RFTN1: variants seen among roughly 807,000 people sequenced by gnomAD.
The protein encoded by RFTN1 is raftlin.
RFTN1 carries 26 observed loss-of-function variants against 46.5 expected under a neutral mutation model. The ratio of observed to expected loss-of-function variants is 0.56; its 90% CI spans 0.41 to 0.78. RFTN1 has a LOEUF of 0.78. RFTN1 is among the 30% of genes least tolerant of loss of function. The probability of loss-of-function intolerance (pLI) is 0.00; values close to 1 mark genes in which losing one functional copy is unlikely to be tolerated. For synonymous variants in RFTN1, 261 were observed against 284.2 expected, an observed-to-expected ratio of 0.92 and a Z score of 0.82; for missense variants, 693 against 718.7, an observed-to-expected ratio of 0.96 and a Z score of 0.41.
intron 1 of RFTN1, among the ~76,000 whole-genome samples, chr3:16,510,549 T>C (rs989553684): frequency 2.0e-5 from 3 of 152,196 alleles, no homozygotes; most frequent in Non-Finnish European, 4.4e-5. Flanking sequence ...TATAAAAACA[T>C]GTTCCCCACT....
chr3:16,371,294 G>A (rs1038398541), intron 5 of RFTN1, among the ~76,000 whole-genome samples: 1 of 152,128 alleles, frequency 6.6e-6, no homozygotes, highest in African/African-American at 2.4e-5. Flanking sequence ...TGAAACACCT[G>A]GACCCACACT....
intron 3 of RFTN1, among the ~76,000 whole-genome samples, chr3:16,431,676 A>G (rs549406074): frequency 6.6e-6 from 1 of 152,296 alleles, no homozygotes; most frequent in Admixed American, 6.5e-5. Flanking sequence ...GAATCCCTGG[A>G]GCCCAGTGGA....
rs868462175 is a variant in RFTN1, at chr3:16,406,001, G to A, written c.441+3374C>T. On this transcript the variant is annotated intron_variant, in intron 4 of 9. Transcript: ENST00000334133. ...GTCACCACTACATATATATAAATAG[G>A]GCCAAAGCTATTCATTAAATATTTG... 6.6e-4 allele frequency among the ~76,000 whole-genome samples: 101 copies of A among 152,054 alleles called. 1 individual carries two copies. Among genetic ancestry groups the A allele is most frequent in the African/African-American group, 2.3e-3 (97 of 41,456 alleles).
intron 1 of RFTN1, among the ~76,000 whole-genome samples, chr3:16,497,655 C>T (rs893663311): frequency 6.6e-6 from 1 of 152,196 alleles, no homozygotes; most frequent in Non-Finnish European, 1.5e-5. Context: ...CAAGAAGGAG[C>T]TTGTTCCTCA....
chr3:16,447,773 G>A lies in RFTN1; in HGVS notation c.146-13736C>T, dbSNP rs184513946. ...AGAAGAAAAATACGATCTATCCACC[G>A]TTGGCACAAGAAGGGAAAGATGGAT... On this transcript the variant is annotated intron_variant, in intron 2 of 9. Transcript: ENST00000334133. The surrounding 1 kb of genome is among the most constrained non-coding windows in gnomAD (Gnocchi z 5.9). Among the ~76,000 whole-genome samples the A allele has an allele frequency of 4.6e-5, 7 of 152,260 alleles. No individual in the cohort carries two copies. Among genetic ancestry groups the A allele is most frequent in the East Asian group, 3.9e-4 (2 of 5,184 alleles).
intron 4 of RFTN1, among the ~76,000 whole-genome samples, chr3:16,403,354 T>C (rs2074653605): frequency 6.6e-6 from 1 of 151,498 alleles, no homozygotes. Context: ...TCTCTGTGTC[T>C]CAGTTTCTTC....
chr3:16,482,508 C>A (rs2076383339), intron 2 of RFTN1, among the ~76,000 whole-genome samples: 1 of 152,118 alleles, frequency 6.6e-6, no homozygotes, highest in South Asian at 2.1e-4. Flanking sequence ...ACCCGAGGGA[C>A]CTTTGGTATT....
chr3:16,397,145 G>A (rs906132900), intron 4 of RFTN1, among the ~76,000 whole-genome samples: 3 of 151,722 alleles, frequency 2.0e-5, no homozygotes, highest in Admixed American at 6.6e-5. Context: ...AGAGGTATAT[G>A]TGTGTGTGTC....
chr3:16,390,400 G>A (rs1316023831), intron 4 of RFTN1, among the ~76,000 whole-genome samples: 2 of 152,186 alleles, frequency 1.3e-5, no homozygotes, highest in African/African-American at 4.8e-5. Context: ...CTTTAATAAA[G>A]AGGTAAGAGC....
At chr3:16,472,989 T>C (rs1362231553) in intron 2 of RFTN1, among the ~76,000 whole-genome samples, 1 of 152,136 alleles carries the variant, frequency 6.6e-6, no homozygotes, top group Non-Finnish European at 1.5e-5. Context: ...GTCAGACAGG[T>C]AGGGCGACCC....
rs2071309897 is a variant in RFTN1, at chr3:16,341,419, A to G, written c.1147-14543T>C. ...GAAGCAACCAAGATGCCCTTCAGTA[A>G]CTGACAGAGAAACTGCAGTGGAACC... On this transcript the variant is annotated intron_variant, in intron 7 of 9. Coordinates refer to ENST00000334133, the MANE Select transcript of RFTN1 (RefSeq NM_015150.2). The surrounding 1 kb of genome is among the most constrained non-coding windows in gnomAD (Gnocchi z 4.7). Among the ~76,000 whole-genome samples, 1 of 152,198 alleles carries G rather than the reference A, an allele frequency of 6.6e-6. No individual in the cohort carries two copies. Among genetic ancestry groups the G allele is most frequent in the African/African-American group, 2.4e-5 (1 of 41,444 alleles).
chr3:16,434,984 T>C (rs1194399110), intron 2 of RFTN1, among the ~76,000 whole-genome samples: 1 of 152,260 alleles, frequency 6.6e-6, no homozygotes, highest in Non-Finnish European at 1.5e-5. Context: ...TATTGAATTA[T>C]TTTAAAATTT....
chr3:16,347,110 A>G (rs549164944), intron 7 of RFTN1, among the ~76,000 whole-genome samples: 57 of 152,222 alleles, frequency 3.7e-4, no homozygotes, highest in East Asian at 3.9e-4. Context: ...CCCTTTCTCC[A>G]GGGCCAATTG....
rs182051455 is a variant in RFTN1, at chr3:16,459,609, A to T, written c.146-25572T>A. ...CCTGTGTTTCTAAAATAATAATAAT[A>T]ATAAGTAAATAAATGAAAATTACAA... On this transcript the variant is annotated intron_variant, in intron 2 of 9. Transcript: ENST00000334133. The surrounding 1 kb of genome is among the most constrained non-coding windows in gnomAD (Gnocchi z 4.2). 2.0e-5 allele frequency among the ~76,000 whole-genome samples: 3 copies of T among 152,244 alleles called. No homozygotes were observed. The East Asian group carries it at 5.8e-4, about 29-fold the overall frequency.
At chr3:16,369,485 T>C (rs897469393) in intron 6 of RFTN1, among the ~76,000 whole-genome samples, 37 of 152,370 alleles carry the variant, frequency 2.4e-4, no homozygotes, top group African/African-American at 8.4e-4. Flanking sequence ...TTTGACACAT[T>C]TTCCCACTGT....
At chr3:16,394,379 A>AAAAC (rs1342747803) in intron 4 of RFTN1, among the ~76,000 whole-genome samples, 3 of 152,142 alleles carry the variant, frequency 2.0e-5, no homozygotes, top group African/African-American at 7.2e-5. Context: ...CTGTCCCTTA[A>AAAAC]AAACAAACAA....
At chr3:16,431,162 G>T (rs2075379103) in intron 3 of RFTN1, among the ~76,000 whole-genome samples, 1 of 152,210 alleles carries the variant, frequency 6.6e-6, no homozygotes, top group Admixed American at 6.5e-5. Flanking sequence ...CTTACTAGTA[G>T]CCAAGTGCAG....
In RFTN1 at chr3:16,500,768, C is replaced by A. The variant is rs964449299; in HGVS notation, c.-8-6891G>T. Among the ~76,000 whole-genome samples, 2 of 152,142 alleles carry A rather than the reference C, an allele frequency of 1.3e-5. No individual in the cohort carries two copies. Among genetic ancestry groups the A allele is most frequent in the Admixed American group, 6.5e-5 (1 of 15,280 alleles). On this transcript the variant is annotated intron_variant, in intron 1 of 9. Coordinates refer to ENST00000334133, the MANE Select transcript of RFTN1 (RefSeq NM_015150.2). This position sits in a 1 kb window ranked among gnomAD's most constrained non-coding sequence, Gnocchi z 5.9. ...TTCCATGAGGGAGGGAAATTATGTT[C>A]CAAATTCATTCATCCATCCATTCAT...
chr3:16,481,407 T>A lies in RFTN1; in HGVS notation c.145+12318A>T, dbSNP rs181371746. On this transcript the variant is annotated intron_variant, in intron 2 of 9. Coordinates refer to ENST00000334133, the MANE Select transcript of RFTN1 (RefSeq NM_015150.2). This position sits in a 1 kb window ranked among gnomAD's most constrained non-coding sequence, Gnocchi z 5.1. Reference sequence around the variant, plus strand: ...TGGGAACCGATTTCCTTATTACTCTTTGCATCTTCTGTTTAAAAACATGGT... The same window carrying A: ...TGGGAACCGATTTCCTTATTACTCTATGCATCTTCTGTTTAAAAACATGGT... 9.2e-5 allele frequency among the ~76,000 whole-genome samples: 14 copies of A among 152,308 alleles called. No individual in the cohort carries two copies. Among genetic ancestry groups the A allele is most frequent in the African/African-American group, 3.1e-4 (13 of 41,564 alleles).
Sources: allele counts gnomAD v4.1 joint callset (sites outside exome capture counted in the v4.1 genomes callset), GRCh38; gene constraint gnomAD v4.1.1; non-coding constraint Gnocchi (gnomAD v3.1); transcripts MANE v1.5; gene names NCBI Gene and HGNC (gene_info 2026-07-23, HGNC 2026-07-21).